The following PLEKHM3 variants were observed in gnomAD, a reference collection of about 807,000 sequenced individuals.
PLEKHM3 encodes the protein pleckstrin homology domain containing M3, also known as pleckstrin homology domain-containing family M member 3.
Under a neutral mutation model 81.8 loss-of-function variants are expected in PLEKHM3, and 45 were observed. That is an observed-to-expected ratio of 0.55 (90% CI 0.43 to 0.71). The LOEUF is 0.71. Ranked by LOEUF, PLEKHM3 falls within the 30% of genes least tolerant of loss-of-function variation. PLEKHM3 has a pLI of 0.00. For synonymous variants in PLEKHM3, 352 were observed against 356.4 expected (o/e 0.99, Z 0.14); for missense variants, 788 against 924.3 (o/e 0.85, Z 1.91).
At chr2:207,920,871 T>A (rs960786632) in intron 5 of PLEKHM3, among the ~76,000 whole-genome samples, 8 of 152,172 alleles carry the variant, frequency 5.3e-5, no homozygotes, top group South Asian at 2.1e-4. Context: ...CCAATTGTCA[T>A]GCCTGGTTCT....
chr2:207,977,363 A>G lies in PLEKHM3; in HGVS notation c.834T>C (p.Thr278=). The G allele has an allele frequency of 6.2e-7, 1 of 1,614,192 alleles. No individual in the cohort carries two copies. The highest frequency in any genetic ancestry group is 8.5e-7 in the Non-Finnish European group (1 of 1,180,044). The change falls in exon 3 of 8, where the codon ACT becomes ACC. Residue 278 remains threonine, a synonymous_variant. Transcript: ENST00000427836. ...GTAGCTGAGTGTTGTCATACAAAAC[A>G]GTATCCACCATCCTGGCCTCCAGGT... ...LGNLEARMVD[T]VLYDNTQLQL...
chr2:207,931,089 A>G lies in PLEKHM3; in HGVS notation c.1723T>C (p.Tyr575His). ...VSKQAKEFLE[Y>H]VYEEPLIDIQ... is the part of the protein sequence containing the mutation. The stretch of plus-strand genomic sequence containing the variant: ...TCGATGAGCGGCTCTTCGTACACGT[A>G]CTCCAGAAACTCCTTGGCCTGCTTC... The change falls in exon 5 of 8, where the codon TAC becomes CAC. Residue 575 changes from tyrosine (Y) to histidine (H), a missense_variant. Physicochemically the swap from Tyr to His is moderately conservative, Grantham distance 83 (BLOSUM62 2). Coordinates refer to ENST00000427836, the MANE Select transcript of PLEKHM3 (RefSeq NM_001080475.3). 6.2e-7 allele frequency: 1 copy of G among 1,613,220 alleles called. No individual in the cohort carries two copies. Among genetic ancestry groups the G allele is most frequent in the Non-Finnish European group, 8.5e-7 (1 of 1,179,460 alleles).
chr2:207,961,725 C>G (rs1375038930), intron 3 of PLEKHM3, among the ~76,000 whole-genome samples: 1 of 152,172 alleles, frequency 6.6e-6, no homozygotes, highest in Non-Finnish European at 1.5e-5. Context: ...TGCAGACAAG[C>G]TGAGCAGTCC....
intron 6 of PLEKHM3, among the ~76,000 whole-genome samples, chr2:207,865,792 AAAAAAAAAAAG>A (rs1285951626): frequency 1.4e-4 from 6 of 42,900 alleles, no homozygotes; most frequent in African/African-American, 7.9e-4. Context: ...AAAAAAAAAA[AAAAAAAAAAAG>A]ATATATATAT....
intron 6 of PLEKHM3, among the ~76,000 whole-genome samples, chr2:207,863,306 C>T (rs1185142571): frequency 6.6e-6 from 1 of 152,206 alleles, no homozygotes; most frequent in Non-Finnish European, 1.5e-5. Flanking sequence ...CATCATGAAC[C>T]ATGAAAACCC....
At chr2:208,011,469 TG>T (rs1692690608) in intron 1 of PLEKHM3, among the ~76,000 whole-genome samples, 1 of 152,060 alleles carries the variant, frequency 6.6e-6, no homozygotes, top group Non-Finnish European at 1.5e-5. Context: ...GCAACCTGGA[TG>T]GGATTGGAGA....
intron 5 of PLEKHM3, among the ~76,000 whole-genome samples, chr2:207,924,279 C>G (rs1214826510): frequency 3.9e-5 from 6 of 152,078 alleles, no homozygotes; most frequent in Non-Finnish European, 8.8e-5. Context: ...CTGGACATAA[C>G]AAACTAGTGA....
At chr2:207,894,391 A>C (rs1688153869) in intron 6 of PLEKHM3, among the ~76,000 whole-genome samples, 1 of 152,218 alleles carries the variant, frequency 6.6e-6, no homozygotes, top group South Asian at 2.1e-4. Context: ...TGACCAATAT[A>C]GTCCCAATAT....
At chr2:208,020,539 A>G (rs1194107080) in intron 1 of PLEKHM3, among the ~76,000 whole-genome samples, 2 of 152,238 alleles carry the variant, frequency 1.3e-5, no homozygotes, top group African/African-American at 4.8e-5. Flanking sequence ...CCAATGAAAC[A>G]GAGCAAACAT....
At chr2:208,006,529 A>G (rs564080912) in intron 1 of PLEKHM3, among the ~76,000 whole-genome samples, 1 of 152,342 alleles carries the variant, frequency 6.6e-6, no homozygotes, top group South Asian at 2.1e-4. Context: ...TGTATCCCAT[A>G]GAGTTGCTAA....
intron 3 of PLEKHM3, among the ~76,000 whole-genome samples, chr2:207,949,768 A>G (rs1356800135): frequency 6.6e-6 from 1 of 152,192 alleles, no homozygotes; most frequent in Non-Finnish European, 1.5e-5. Context: ...ATTCTCACCA[A>G]AGAACACTAA....
intron 2 of PLEKHM3, among the ~76,000 whole-genome samples, chr2:207,997,379 G>A (rs1038560118): frequency 6.6e-6 from 1 of 152,200 alleles, no homozygotes; most frequent in African/African-American, 2.4e-5. Context: ...CAGGAGGAAG[G>A]AAAGAGATGG....
At chr2:207,897,600 T>C (rs1270185774) in intron 6 of PLEKHM3, among the ~76,000 whole-genome samples, 1 of 152,110 alleles carries the variant, frequency 6.6e-6, no homozygotes, top group Non-Finnish European at 1.5e-5. Context: ...CATTTGAACA[T>C]AGACAGGCAG....
At chr2:207,993,336 A>T (rs1691960541) in intron 2 of PLEKHM3, among the ~76,000 whole-genome samples, 1 of 152,142 alleles carries the variant, frequency 6.6e-6, no homozygotes, top group Non-Finnish European at 1.5e-5. Flanking sequence ...CTTTGTACTG[A>T]CTAATCTTGC....
chr2:207,992,475 C>A (rs1691930222), intron 2 of PLEKHM3, among the ~76,000 whole-genome samples: 1 of 152,098 alleles, frequency 6.6e-6, no homozygotes, highest in Admixed American at 6.6e-5. Context: ...CAAGCTGTAA[C>A]TAAGGAGAAA....
At chr2:207,945,617 T>C (rs1385395151) in intron 4 of PLEKHM3, among the ~76,000 whole-genome samples, 1 of 152,102 alleles carries the variant, frequency 6.6e-6, no homozygotes, top group Non-Finnish European at 1.5e-5. Flanking sequence ...ATAAGAAATA[T>C]CTCGGACCAC....
At chr2:207,990,171 A>T (rs1270704787) in intron 2 of PLEKHM3, among the ~76,000 whole-genome samples, 4 of 152,064 alleles carry the variant, frequency 2.6e-5, no homozygotes, top group African/African-American at 7.2e-5. Context: ...CAACTTCCAT[A>T]TTTCTTATTA....
At chr2:207,919,588 A>C (rs982872018) in intron 5 of PLEKHM3, among the ~76,000 whole-genome samples, 1 of 152,150 alleles carries the variant, frequency 6.6e-6, no homozygotes, top group Non-Finnish European at 1.5e-5. Context: ...TGGATGTAGA[A>C]TATGAGAGAA....
At chr2:207,956,481 T>C (rs1451309962) in intron 3 of PLEKHM3, among the ~76,000 whole-genome samples, 1 of 150,100 alleles carries the variant, frequency 6.7e-6, no homozygotes, top group Non-Finnish European at 1.5e-5. Context: ...TCAAAAAAAA[T>C]AAAAAAAGAT....
Sources: gnomAD v4.1 joint callset for allele counts (sites outside exome capture counted in the v4.1 genomes callset) on GRCh38, gnomAD v4.1.1 for gene constraint, MANE v1.5 for transcripts, NCBI Gene and HGNC (gene_info 2026-07-23, HGNC 2026-07-21) for gene names.